The following WWOX variants were observed in gnomAD, a reference collection of about 807,000 sequenced individuals.
WWOX encodes the protein WW domain containing oxidoreductase.
Under a neutral mutation model 46.2 loss-of-function variants are expected in WWOX, and 69 were observed. The ratio of observed to expected loss-of-function variants is 1.49; its 90% CI spans 1.23 to 1.82. WWOX has a LOEUF of 1.82. WWOX is among the 40% of genes most tolerant of loss of function. The probability of loss-of-function intolerance (pLI) is 0.00; values close to 1 mark genes in which losing one functional copy is unlikely to be tolerated. For synonymous variants in WWOX, 359 were observed against 202.6 expected (o/e 1.77, Z -6.56); for missense variants, 919 against 542.6 (o/e 1.69, Z -6.89).
At chr16:78,798,947 G>T (rs2050814539) in intron 8 of WWOX, among the ~76,000 whole-genome samples, 1 of 152,104 alleles carries the variant, frequency 6.6e-6, no homozygotes, top group Non-Finnish European at 1.5e-5. Flanking sequence ...CATTTTGTTG[G>T]GGCCGGTGGT....
In WWOX at chr16:78,349,162, C is replaced by A. The variant is rs1330697061; in HGVS notation, c.517-37698C>A. On this transcript the variant is annotated intron_variant, in intron 5 of 8. Coordinates refer to ENST00000566780, the MANE Select transcript of WWOX (RefSeq NM_016373.4). Reference sequence around the variant, plus strand: ...CAGACAGCCGCCTTCCCACCGTGTTCTCACGTGACCTAGCCGCTGTGTGCA... The same window carrying A: ...CAGACAGCCGCCTTCCCACCGTGTTATCACGTGACCTAGCCGCTGTGTGCA... 1.7e-5 allele frequency among the ~76,000 whole-genome samples: 2 copies of A among 121,072 alleles called. 1 individual carries two copies. Among genetic ancestry groups the A allele is most frequent in the Non-Finnish European group, 4.0e-5 (2 of 50,622 alleles). The allele number at this position is 121,072 out of a possible 152,430, so 79.4% of individuals were successfully genotyped here.
At chr16:78,930,330 T>G (rs1401767322) in intron 8 of WWOX, among the ~76,000 whole-genome samples, 1 of 149,548 alleles carries the variant, frequency 6.7e-6, no homozygotes, top group East Asian at 2.0e-4. Context: ...CAGACTGGAG[T>G]GCAGTGGCAC....
At chr16:79,166,656 T>C (rs9930857) in intron 8 of WWOX, among the ~76,000 whole-genome samples, 1,604 of 152,282 alleles carry the variant, frequency 0.011, 29 homozygotes, top group African/African-American at 0.036. Flanking sequence ...ACCAATTTCA[T>C]TTAATAGAAT....
At position 78,550,339 on chromosome 16, in the gene WWOX, C is replaced by A. The variant is rs563786344; in HGVS notation, c.1056+117587C>A. On this transcript the variant is annotated intron_variant, in intron 8 of 8. Transcript: ENST00000566780. ...TTTCTGCTTTGTGGCCTACAAGGTA[C>A]CTATCACAACTACTAAGCTATCATG... 2.6e-5 allele frequency among the ~76,000 whole-genome samples: 4 copies of A among 152,254 alleles called. No individual in the cohort carries two copies. The South Asian group carries it at 8.3e-4, about 32-fold the overall frequency.
In WWOX at chr16:78,108,996, C is replaced by T. The variant is rs145748708; in HGVS notation, c.172+509C>T. ...GAGTGAGATGCTGTCTGAAAAATAG[C>T]GACAACAACAACAACAAAAACCAGA... On this transcript the variant is annotated intron_variant, in intron 2 of 8. Coordinates refer to ENST00000566780, the MANE Select transcript of WWOX (RefSeq NM_016373.4). Among the ~76,000 whole-genome samples the T allele has an allele frequency of 7.2e-5, 11 of 152,062 alleles. No homozygotes were observed. The East Asian group carries it at 1.4e-3, about 19-fold the overall frequency.
chr16:78,726,176 C>G (rs1178887452), intron 8 of WWOX, among the ~76,000 whole-genome samples: 1 of 137,406 alleles, frequency 7.3e-6, no homozygotes, highest in East Asian at 2.3e-4. Flanking sequence ...TCTCTCTTTT[C>G]TCTCTCTCTC....
chr16:78,357,541 A>G (rs1394890997), intron 5 of WWOX, among the ~76,000 whole-genome samples: 2 of 152,212 alleles, frequency 1.3e-5, no homozygotes, highest in East Asian at 3.8e-4. Flanking sequence ...TTTGAGGGAT[A>G]GAATTGGGCA....
At chr16:78,686,942 C>T (rs544914596) in intron 8 of WWOX, among the ~76,000 whole-genome samples, 1 of 152,236 alleles carries the variant, frequency 6.6e-6, no homozygotes, top group Non-Finnish European at 1.5e-5. Flanking sequence ...ATCCAAGCAG[C>T]TAAGGCTTGT....
chr16:78,112,165 T>A (rs2032529324), intron 3 of WWOX, among the ~76,000 whole-genome samples: 1 of 152,198 alleles, frequency 6.6e-6, no homozygotes, highest in South Asian at 2.1e-4. Flanking sequence ...CCTACAACTT[T>A]AAGGTTGAGC....
chr16:78,110,636 C>T (rs181400754), intron 3 of WWOX, among the ~76,000 whole-genome samples: 11 of 152,198 alleles, frequency 7.2e-5, no homozygotes, highest in South Asian at 2.1e-4. Context: ...GGATAAATTC[C>T]GGTATCACGC....
At chr16:79,023,763 A>G (rs547848942) in intron 8 of WWOX, among the ~76,000 whole-genome samples, 1 of 146,392 alleles carries the variant, frequency 6.8e-6, no homozygotes, top group African/African-American at 2.6e-5. Flanking sequence ...CTACTAAAAT[A>G]TGGTGATACC....
rs149228570 is a variant in WWOX at position 78,631,453 on chromosome 16, T to C, written c.1056+198701T>C. Reference sequence around the variant, plus strand: ...GAATTAGGACAGATGTATGACTTATTTCATATAAAGCTAAATCAGTTTAAT... The same window carrying C: ...GAATTAGGACAGATGTATGACTTATCTCATATAAAGCTAAATCAGTTTAAT... On this transcript the variant is annotated intron_variant, in intron 8 of 8. Coordinates refer to ENST00000566780, the MANE Select transcript of WWOX (RefSeq NM_016373.4). 3.6e-3 allele frequency among the ~76,000 whole-genome samples: 553 copies of C among 152,316 alleles called. 12 individuals carry two copies. The highest frequency in any genetic ancestry group is 1.5e-3 in the Non-Finnish European group (102 of 68,032).
chr16:78,936,625 G>C (rs947780381), intron 8 of WWOX, among the ~76,000 whole-genome samples: 1 of 152,104 alleles, frequency 6.6e-6, no homozygotes, highest in African/African-American at 2.4e-5. Context: ...AGGCTGGATG[G>C]GTTTTGGAAC....
chr16:78,588,630 C>T (rs1205676949), intron 8 of WWOX, among the ~76,000 whole-genome samples: 1 of 152,178 alleles, frequency 6.6e-6, no homozygotes, highest in Non-Finnish European at 1.5e-5. Context: ...AAAGTGAGGT[C>T]ATTGAGTCAC....
chr16:78,218,847 T>C (rs910627646), intron 5 of WWOX, among the ~76,000 whole-genome samples: 4 of 152,238 alleles, frequency 2.6e-5, no homozygotes, highest in African/African-American at 9.6e-5. Context: ...AGTTTTTGAG[T>C]CTAATTGTTT....
intron 6 of WWOX, among the ~76,000 whole-genome samples, chr16:78,388,744 C>T (rs1333258510): frequency 2.7e-5 from 4 of 150,010 alleles, no homozygotes; most frequent in East Asian, 2.0e-4. Flanking sequence ...CCGAGGTGGG[C>T]GGATCACCTG....
intron 4 of WWOX, among the ~76,000 whole-genome samples, chr16:78,130,812 C>G (rs553255797): frequency 6.6e-6 from 1 of 152,184 alleles, no homozygotes; most frequent in Admixed American, 6.5e-5. Context: ...GGTCCCTGCC[C>G]TTGTGGAGGA....
At chr16:78,595,056 TG>T (rs2045454620) in intron 8 of WWOX, among the ~76,000 whole-genome samples, 1 of 152,032 alleles carries the variant, frequency 6.6e-6, no homozygotes, top group South Asian at 2.1e-4. Flanking sequence ...TCAAGAGGCT[TG>T]GGGACCCCAG....
chr16:79,092,652 G>A (rs1397136231), intron 8 of WWOX, among the ~76,000 whole-genome samples: 8 of 152,312 alleles, frequency 5.3e-5, no homozygotes, highest in Middle Eastern at 3.4e-3. Context: ...AGTCGTTGGC[G>A]AGGAGTGAAT....
Sources: allele counts gnomAD v4.1 joint callset (sites outside exome capture counted in the v4.1 genomes callset), GRCh38; gene constraint gnomAD v4.1.1; transcripts MANE v1.5; gene names NCBI Gene and HGNC (gene_info 2026-07-23, HGNC 2026-07-21).